Variants in GPM6A observed in about 807,000 individuals in gnomAD.
GPM6A encodes the protein glycoprotein M6A, also known as neuronal membrane glycoprotein M6-a.
In GPM6A, 7 loss-of-function variants were observed where a neutral mutation model predicts 32.1. The observed-to-expected ratio is 0.22, with a 90% CI of 0.12 to 0.41. The LOEUF is 0.41. Among genes scored for constraint, GPM6A ranks in the 10% least tolerant of loss-of-function variants. The pLI, the probability that GPM6A is intolerant of heterozygous loss-of-function variation, is 1.00. For synonymous variants in GPM6A, 130 were observed against 123.4 expected (o/e 1.05, Z -0.35); for missense variants, 235 against 347.2 (o/e 0.68, Z 2.57).
At chr4:175,671,117 C>A (rs1743038260) in intron 3 of GPM6A, among the ~76,000 whole-genome samples, 1 of 152,018 alleles carries the variant, frequency 6.6e-6, no homozygotes. Context: ...CCTGCCTCGG[C>A]CTCCCAAAGT....
At chr4:175,850,588 C>T (rs1736222676) in intron 1 of GPM6A, among the ~76,000 whole-genome samples, 1 of 152,136 alleles carries the variant, frequency 6.6e-6, no homozygotes. Flanking sequence ...GTCTGGGTGA[C>T]ACATGCCTGA....
chr4:175,689,446 G>A (rs181637495), intron 2 of GPM6A, among the ~76,000 whole-genome samples: 79 of 147,558 alleles, frequency 5.4e-4, no homozygotes, highest in African/African-American at 1.9e-3. Flanking sequence ...TATTTATAGC[G>A]TTTTTTTTTT....
At chr4:175,815,712 T>C (rs1363747095), upstream of GPM6A, among the ~76,000 whole-genome samples, 1 of 60,684 alleles carries the variant, frequency 1.6e-5, no homozygotes, top group Non-Finnish European at 3.1e-5. Context: ...CTACTCTTTT[T>C]CTTTTCTTTT....
At chr4:175,854,388 G>A (rs1420911676) in intron 1 of GPM6A, among the ~76,000 whole-genome samples, 1 of 152,100 alleles carries the variant, frequency 6.6e-6, no homozygotes, top group Non-Finnish European at 1.5e-5. Flanking sequence ...GAAAATCCTA[G>A]GACTCAAGAG....
intron 1 of GPM6A, among the ~76,000 whole-genome samples, chr4:175,737,977 G>A (rs1038831729): frequency 2.2e-5 from 3 of 138,962 alleles, no homozygotes; most frequent in African/African-American, 8.0e-5. Context: ...CGTTCTTGTT[G>A]CCCAGGCTGG....
intron 1 of GPM6A, among the ~76,000 whole-genome samples, chr4:175,746,861 C>T (rs1013262635): frequency 2.0e-5 from 3 of 152,190 alleles, no homozygotes; most frequent in African/African-American, 2.4e-5. Flanking sequence ...GGGAAGTGAA[C>T]CTTGTTGCTT....
At chr4:175,940,694 C>A (rs368705236) in intron 1 of GPM6A, among the ~76,000 whole-genome samples, 1 of 152,022 alleles carries the variant, frequency 6.6e-6, no homozygotes, top group East Asian at 1.9e-4. Context: ...CTGCAACCTC[C>A]GCCTCCTAGA....
chr4:175,790,278 C>A (rs1458642320), intron 1 of GPM6A: 2 of 152,102 alleles, frequency 1.3e-5, no homozygotes, highest in Non-Finnish European at 2.9e-5. Context: ...GTCATGCCAA[C>A]CAACACAGAG....
chr4:175,979,024 A>G (rs568074004), intron 1 of GPM6A, among the ~76,000 whole-genome samples: 1 of 152,250 alleles, frequency 6.6e-6, no homozygotes, highest in East Asian at 1.9e-4. Context: ...TCCAATAAAT[A>G]TTTCACAATT....
At chr4:175,772,004 T>C (rs2111234118) in intron 1 of GPM6A, among the ~76,000 whole-genome samples, 1 of 152,348 alleles carries the variant, frequency 6.6e-6, no homozygotes, top group Middle Eastern at 3.4e-3. Context: ...CTTGGTCCTG[T>C]CATTTTCTCC....
At chr4:175,682,976 G>A (rs1743771859) in intron 2 of GPM6A, among the ~76,000 whole-genome samples, 1 of 152,114 alleles carries the variant, frequency 6.6e-6, no homozygotes, top group South Asian at 2.1e-4. Flanking sequence ...GTGAGAAGTG[G>A]GTCACTGATC....
chr4:175,665,041 C>T (rs1416537393), intron 3 of GPM6A, among the ~76,000 whole-genome samples: 3 of 152,076 alleles, frequency 2.0e-5, no homozygotes, highest in African/African-American at 7.2e-5. Context: ...AGAAAAAGTA[C>T]AGTAAAAATA....
At chr4:175,795,176 G>C (rs1462731478) in intron 1 of GPM6A, among the ~76,000 whole-genome samples, 1 of 152,150 alleles carries the variant, frequency 6.6e-6, no homozygotes, top group African/African-American at 2.4e-5. Context: ...GGGACACAGT[G>C]TACATAAATG....
At chr4:175,783,354 A>G (rs1733683561) in intron 1 of GPM6A, among the ~76,000 whole-genome samples, 1 of 151,868 alleles carries the variant, frequency 6.6e-6, no homozygotes, top group Admixed American at 6.6e-5. Context: ...ATGATGTTAT[A>G]TTTTTCTCCA....
chr4:175,924,857 AAAG>A (rs1447229717), intron 1 of GPM6A, among the ~76,000 whole-genome samples: 1 of 151,214 alleles, frequency 6.6e-6, no homozygotes, highest in Non-Finnish European at 1.5e-5. Context: ...AAAAAAAAAA[AAAG>A]AGAGAAGTCT....
chr4:175,907,874 T>G (rs1486981920), intron 1 of GPM6A, among the ~76,000 whole-genome samples: 3 of 152,178 alleles, frequency 2.0e-5, no homozygotes, highest in Admixed American at 1.3e-4. Flanking sequence ...ATAAAAGGTG[T>G]ATTAAATAAG....
At chr4:175,872,800 C>A (rs546247292) in intron 1 of GPM6A, 1 of 152,086 alleles carries the variant, frequency 6.6e-6, no homozygotes. Context: ...GATGGTATAA[C>A]GCTCCTGTGA....
At chr4:175,776,041 C>T (rs922761340) in intron 1 of GPM6A, among the ~76,000 whole-genome samples, 2 of 152,136 alleles carry the variant, frequency 1.3e-5, no homozygotes, top group African/African-American at 4.8e-5. Flanking sequence ...TACCTGACAT[C>T]ACTATTAATT....
chr4:175,966,215 A>G lies in GPM6A; in HGVS notation c.-23+36094T>C, dbSNP rs1472957391. Reference sequence around the variant, plus strand: ...TAAACTCAGGAGTTCAAGCCTGGAAAATATGGTGAAGTTCTGTCTCTACTA... The same window carrying G: ...TAAACTCAGGAGTTCAAGCCTGGAAGATATGGTGAAGTTCTGTCTCTACTA... On this transcript the variant is annotated intron_variant, in intron 1 of 7. Transcript: ENST00000280187. 2.6e-5 allele frequency among the ~76,000 whole-genome samples: 4 copies of G among 151,908 alleles called. No homozygotes were observed. The East Asian group carries it at 5.9e-4, about 22-fold the overall frequency.
Sources: allele counts gnomAD v4.1 joint callset (sites outside exome capture counted in the v4.1 genomes callset), GRCh38; gene constraint gnomAD v4.1.1; transcripts MANE v1.5; gene names NCBI Gene and HGNC (gene_info 2026-07-23, HGNC 2026-07-21).